The following CPS1 variants were observed in gnomAD, a reference collection of about 807,000 sequenced individuals.
The protein encoded by CPS1 is carbamoyl-phosphate synthase 1, also known as carbamoyl-phosphate synthase [ammonia], mitochondrial.
CPS1 carries 109 observed loss-of-function variants against 174.6 expected under a neutral mutation model. The observed-to-expected ratio is 0.62, with a 90% CI of 0.53 to 0.73. The LOEUF is 0.73. Among genes scored for constraint, CPS1 ranks in the 30% least tolerant of loss-of-function variants. The pLI is 0.00. For missense variants in CPS1, 1,689 were observed against 1,821.9 expected (o/e 0.93, Z 1.33); for synonymous variants, 637 against 632.0 (o/e 1.01, Z -0.12).
chr2:210,627,711 C>T lies in CPS1; in HGVS notation c.2688-9991C>T, dbSNP rs114962331. Among the ~76,000 whole-genome samples the T allele has an allele frequency of 8.8e-3, 1,340 of 152,296 alleles. 12 individuals are homozygous for T. The highest frequency in any genetic ancestry group is 0.014 in the Non-Finnish European group (982 of 68,026). ...GCAGGGAGTCGTAAGTATGGTGGCC[C>T]TCACCACCTCAAAGTGTGAGTACAG... On this transcript the variant is annotated intron_variant, in intron 21 of 37. Transcript: ENST00000233072.
At chr2:210,677,413 G>A (rs1701569979) in intron 37 of CPS1, among the ~76,000 whole-genome samples, 1 of 152,192 alleles carries the variant, frequency 6.6e-6, no homozygotes, top group African/African-American at 2.4e-5. Flanking sequence ...GCATGACATG[G>A]AATAAAGATA....
At chr2:210,606,590 G>A in intron 17 of CPS1, 141 bp from the exon 18 acceptor site, 1 of 792,490 alleles carries the variant, frequency 1.3e-6, no homozygotes, top group Non-Finnish European at 2.1e-6. Context: ...ACAGGAATTG[G>A]GGGAATACCT....
intron 1 of CPS1, among the ~76,000 whole-genome samples, chr2:210,527,611 C>G (rs1365101187): frequency 6.6e-6 from 1 of 151,866 alleles, no homozygotes; most frequent in Non-Finnish European, 1.5e-5. Context: ...GGATAAGTCC[C>G]TTTCTGAGTG....
At chr2:210,648,247 C>T (rs766783974) in intron 26 of CPS1, among the ~76,000 whole-genome samples, 190 bp downstream of exon 26, 7 of 152,194 alleles carry the variant, frequency 4.6e-5, no homozygotes, top group Non-Finnish European at 1.0e-4. Context: ...GCAGTATTCT[C>T]ATTAAGATTC....
intron 1 of CPS1, among the ~76,000 whole-genome samples, chr2:210,532,410 C>T (rs557641022): frequency 2.0e-5 from 3 of 152,116 alleles, no homozygotes; most frequent in Non-Finnish European, 4.4e-5. Flanking sequence ...TTATACTTAG[C>T]AGTTCTAAAT....
intron 31 of CPS1, among the ~76,000 whole-genome samples, chr2:210,659,198 A>G (rs1700829058): frequency 1.3e-5 from 2 of 152,192 alleles, no homozygotes; most frequent in African/African-American, 4.8e-5. Context: ...CTTGTAGAGA[A>G]AAGGGGTTTA....
intron 1 of CPS1, among the ~76,000 whole-genome samples, chr2:210,496,719 C>T (rs1481435342): frequency 1.3e-5 from 2 of 152,170 alleles, no homozygotes; most frequent in African/African-American, 2.4e-5. Flanking sequence ...AACATGCAGG[C>T]ACACTTCCTC....
At chr2:210,632,986 C>T (rs894960147) in intron 21 of CPS1, among the ~76,000 whole-genome samples, 1 of 152,088 alleles carries the variant, frequency 6.6e-6, no homozygotes, top group African/African-American at 2.4e-5. Context: ...GTTTTTGGCT[C>T]ACCAAGAAAA....
In CPS1 at chr2:210,572,773, G is replaced by T. The variant is rs184002185; in HGVS notation, c.127-525G>T. 2.0e-5 allele frequency among the ~76,000 whole-genome samples: 3 copies of T among 152,124 alleles called. No individual in the cohort carries two copies. The East Asian group carries it at 5.8e-4, about 29-fold the overall frequency. On this transcript the variant is annotated intron_variant, in intron 1 of 37. Transcript: ENST00000233072. Reference sequence around the variant, plus strand: ...CAGTTTCTTCATGAACATAATTCTGGCATGGAAAGGGCAACCCTTGGGACA... The same window carrying T: ...CAGTTTCTTCATGAACATAATTCTGTCATGGAAAGGGCAACCCTTGGGACA...
At chr2:210,624,364 C>T (rs1215592078) in intron 21 of CPS1, among the ~76,000 whole-genome samples, 3 of 152,040 alleles carry the variant, frequency 2.0e-5, no homozygotes, top group Non-Finnish European at 4.4e-5. Flanking sequence ...AACAGTCTTA[C>T]CAGTTATTAC....
intron 1 of CPS1, among the ~76,000 whole-genome samples, chr2:210,534,516 A>G (rs1412667421): frequency 1.3e-5 from 2 of 152,188 alleles, no homozygotes; most frequent in African/African-American, 4.8e-5. Flanking sequence ...TGTAGCATTG[A>G]TTGCATGTTT....
At chr2:210,527,142 A>G (rs1695996277) in intron 1 of CPS1, among the ~76,000 whole-genome samples, 1 of 151,612 alleles carries the variant, frequency 6.6e-6, no homozygotes, top group Non-Finnish European at 1.5e-5. Flanking sequence ...CTTTAATAAT[A>G]CTTTGCTGTA....
At chr2:210,618,975 G>A (rs1699410968) in intron 21 of CPS1, 1 of 152,054 alleles carries the variant, frequency 6.6e-6, no homozygotes, top group Non-Finnish European at 1.5e-5. Context: ...CTGCTTCTGT[G>A]TTAGAATGGC....
chr2:210,514,497 T>A (rs1288386895), intron 1 of CPS1, among the ~76,000 whole-genome samples: 1 of 151,868 alleles, frequency 6.6e-6, no homozygotes. Flanking sequence ...TATTGGTATA[T>A]GGAAATGCTC....
At chr2:210,514,506 T>C (rs1411128813) in intron 1 of CPS1, among the ~76,000 whole-genome samples, 1 of 151,912 alleles carries the variant, frequency 6.6e-6, no homozygotes, top group Non-Finnish European at 1.5e-5. Flanking sequence ...ATGGAAATGC[T>C]CTGGATTTTT....
At chr2:210,630,301 T>C (rs1030035590) in intron 21 of CPS1, among the ~76,000 whole-genome samples, 2 of 152,152 alleles carry the variant, frequency 1.3e-5, no homozygotes, top group Admixed American at 6.5e-5. Flanking sequence ...CATTAAAGAT[T>C]AGCAAAAAAG....
chr2:210,493,415 C>T (rs1210316291), intron 1 of CPS1, among the ~76,000 whole-genome samples: 3 of 152,208 alleles, frequency 2.0e-5, no homozygotes, highest in Non-Finnish European at 4.4e-5. Flanking sequence ...ACCATCCTTT[C>T]TGCATCATCT....
intron 1 of CPS1, among the ~76,000 whole-genome samples, chr2:210,541,997 C>T (rs1473780666): frequency 6.6e-6 from 1 of 152,052 alleles, no homozygotes; most frequent in African/African-American, 2.4e-5. Context: ...CTTCAAAATT[C>T]CAGCATCCTT....
Position 210,650,372 on chromosome 2 carries a change from T to G in CPS1, c.3414T>G (p.Ala1138=), listed in dbSNP as rs761875285. 19 of 1,613,578 alleles carry G rather than the reference T, an allele frequency of 1.2e-5. No homozygotes were observed. The highest frequency in any genetic ancestry group is 1.5e-5 in the Non-Finnish European group (18 of 1,179,550). ...CCCCTTCCTTTTCCAGTGGGTCTGC[T>G]ATGAATGTGGTATTCTCTGAGGATG... The part of the protein sequence containing the change: ...LRPSYVLSGS[A]MNVVFSEDEM... Residue 1138 remains alanine, a synonymous_variant, in exon 28 of 38, where the codon GCT becomes GCG. Transcript: ENST00000233072.
Sources: gnomAD v4.1 joint callset for allele counts (sites outside exome capture counted in the v4.1 genomes callset) on GRCh38, gnomAD v4.1.1 for gene constraint, MANE v1.5 for transcripts, NCBI Gene and HGNC (gene_info 2026-07-23, HGNC 2026-07-21) for gene names.